Variants in LZTS1 observed in about 807,000 individuals in gnomAD.
The protein encoded by LZTS1 is leucine zipper putative tumor suppressor 1.
Under a neutral mutation model 45.8 loss-of-function variants are expected in LZTS1, and 31 were observed. The ratio of observed to expected loss-of-function variants is 0.68; its 90% CI spans 0.51 to 0.91. LZTS1 has a LOEUF of 0.91. Ranked by LOEUF, LZTS1 falls within the 40% of genes least tolerant of loss-of-function variation. The pLI is 0.00. For missense variants in LZTS1, 821 were observed against 788.9 expected (o/e 1.04, Z -0.49); for synonymous variants, 359 against 357.3 (o/e 1.00, Z -0.05).
chr8:20,250,810 G>A (rs766751825), intron 3 of LZTS1, among the ~76,000 whole-genome samples: 2 of 151,886 alleles, frequency 1.3e-5, no homozygotes, highest in Non-Finnish European at 2.9e-5. Context: ...TGTTGGCCAG[G>A]CTGATCTCGA....
rs1799821876 is a variant in LZTS1, at chr8:20,249,453, C to G, written c.*269G>C. ...GAACAAAGGCCAAAGTTTAGGGAGC[C>G]CTTAACCAAAGCAGACAGACCCCTG... On this transcript the variant is annotated 3_prime_UTR_variant, in exon 4 of 4. Coordinates refer to ENST00000381569, the MANE Select transcript of LZTS1 (RefSeq NM_021020.5). The G allele has an allele frequency of 6.7e-6, 3 of 448,532 alleles. No individual in the cohort carries two copies. The East Asian group carries it at 1.1e-4, about 16-fold the overall frequency. The allele number at this position is 448,532 out of a possible 1,614,324, so 27.8% of individuals were successfully genotyped here.
chr8:20,278,265 A>G (rs1270131472), intron 1 of LZTS1, among the ~76,000 whole-genome samples: 1 of 152,112 alleles, frequency 6.6e-6, no homozygotes, highest in Non-Finnish European at 1.5e-5. Context: ...TAACTGGTAT[A>G]TTACCTTCCT....
intron 1 of LZTS1, among the ~76,000 whole-genome samples, chr8:20,257,660 C>A (rs1800137164): frequency 6.8e-6 from 1 of 147,210 alleles, no homozygotes; most frequent in African/African-American, 2.5e-5. Flanking sequence ...TTCTAAGACA[C>A]CCTTAAACTT....
intron 1 of LZTS1, among the ~76,000 whole-genome samples, chr8:20,259,080 C>T (rs1223512834): frequency 2.6e-5 from 4 of 152,128 alleles, no homozygotes; most frequent in Admixed American, 6.5e-5. Flanking sequence ...CCGTGCTCTG[C>T]GCAATATGCT....
At chr8:20,264,925 C>T (rs1363173929) in intron 1 of LZTS1, among the ~76,000 whole-genome samples, 2 of 152,006 alleles carry the variant, frequency 1.3e-5, no homozygotes, top group African/African-American at 2.4e-5. Flanking sequence ...TACCAGGGCA[C>T]GTGTGGAAAG....
At chr8:20,259,715 T>C (rs966681580) in intron 1 of LZTS1, among the ~76,000 whole-genome samples, 1 of 152,128 alleles carries the variant, frequency 6.6e-6, no homozygotes, top group Non-Finnish European at 1.5e-5. Flanking sequence ...ATTCTCCTCC[T>C]TGGGCTCTTC....
chr8:20,267,493 T>C (rs1420813911), intron 1 of LZTS1, among the ~76,000 whole-genome samples: 1 of 152,182 alleles, frequency 6.6e-6, no homozygotes, highest in Non-Finnish European at 1.5e-5. Context: ...TCAGTCATCA[T>C]TCATCAGAAC....
At chr8:20,280,373 GTCT>G (rs1162978443) in intron 1 of LZTS1, among the ~76,000 whole-genome samples, 2 of 152,192 alleles carry the variant, frequency 1.3e-5, no homozygotes, top group African/African-American at 4.8e-5. Context: ...CCTGCTGGCA[GTCT>G]TCTTCAGAGT....
chr8:20,284,281 G>C (rs552506605), intron 1 of LZTS1, among the ~76,000 whole-genome samples: 1 of 152,182 alleles, frequency 6.6e-6, no homozygotes, highest in East Asian at 1.9e-4. Flanking sequence ...AAGAAGCACC[G>C]GCCATGCCAG....
chr8:20,261,557 C>G (rs950508992), intron 1 of LZTS1, among the ~76,000 whole-genome samples: 2 of 152,242 alleles, frequency 1.3e-5, no homozygotes, highest in Non-Finnish European at 2.9e-5. Flanking sequence ...CAGCCCCCTT[C>G]TGCATTCTCC....
intron 1 of LZTS1, among the ~76,000 whole-genome samples, chr8:20,300,095 G>A (rs76689097): frequency 0.059 from 9,029 of 152,122 alleles, 626 homozygotes; most frequent in African/African-American, 0.15. Context: ...TCGGACTCCC[G>A]AACTGTTGGT....
At chr8:20,283,845 G>C (rs1179066709) in intron 1 of LZTS1, among the ~76,000 whole-genome samples, 1 of 152,140 alleles carries the variant, frequency 6.6e-6, no homozygotes, top group Non-Finnish European at 1.5e-5. Flanking sequence ...TGCACATCTG[G>C]CCTAATGTGC....
chr8:20,283,551 C>T (rs570861001), intron 1 of LZTS1, among the ~76,000 whole-genome samples: 4 of 152,188 alleles, frequency 2.6e-5, no homozygotes, highest in East Asian at 1.9e-4. Context: ...TCTGGAAACC[C>T]GGAGAGGGAT....
chr8:20,283,103 T>C (rs1800726090), intron 1 of LZTS1, among the ~76,000 whole-genome samples: 1 of 152,166 alleles, frequency 6.6e-6, no homozygotes, highest in African/African-American at 2.4e-5. Flanking sequence ...ATCTCCCCAG[T>C]GGCTTCACTG....
intron 1 of LZTS1, among the ~76,000 whole-genome samples, chr8:20,257,975 A>AT (rs11402448): frequency 0.79 from 118,693 of 150,510 alleles, 46,911 homozygotes; most frequent in East Asian, 0.93. Flanking sequence ...GACTGGGCAC[A>AT]TTTTTTTTTT....
Position 20,249,641 on chromosome 8 carries a change from GA to G in LZTS1, c.*80del. 9 of 1,511,644 alleles carry G rather than the reference GA, an allele frequency of 6.0e-6. No individual in the cohort carries two copies. The highest frequency in any genetic ancestry group is 8.0e-6 in the Non-Finnish European group (9 of 1,128,600). The allele number at this position is 1,511,644 out of a possible 1,614,324, so 93.6% of individuals were successfully genotyped here. Reference sequence around the variant, plus strand: ...GGAGTGGCGTCTCTCAGAGGGGTCTGAATTGCTGAGCAGGGGGGATGCACGG... The same window carrying G: ...GGAGTGGCGTCTCTCAGAGGGGTCTGATTGCTGAGCAGGGGGGATGCACGG... On this transcript the variant is annotated 3_prime_UTR_variant, in exon 4 of 4. Coordinates refer to ENST00000381569, the MANE Select transcript of LZTS1 (RefSeq NM_021020.5).
chr8:20,274,386 C>T (rs1044421474), intron 1 of LZTS1, among the ~76,000 whole-genome samples: 3 of 152,120 alleles, frequency 2.0e-5, no homozygotes, highest in African/African-American at 7.2e-5. Context: ...ACTTTTCATC[C>T]CTTCTCCTCA....
chr8:20,284,415 A>G (rs1371356351), intron 1 of LZTS1, among the ~76,000 whole-genome samples: 16 of 152,198 alleles, frequency 1.1e-4, no homozygotes, highest in African/African-American at 3.4e-4. Flanking sequence ...TCAGTGTGGA[A>G]TAAGAGCTGG....
chr8:20,276,401 A>G (rs1018026137), intron 1 of LZTS1, among the ~76,000 whole-genome samples: 3 of 152,172 alleles, frequency 2.0e-5, no homozygotes, highest in Non-Finnish European at 2.9e-5. Flanking sequence ...CCAATGGCCA[A>G]TGGCTTAATC....
Sources: allele counts gnomAD v4.1 joint callset (sites outside exome capture counted in the v4.1 genomes callset), GRCh38; gene constraint gnomAD v4.1.1; transcripts MANE v1.5; gene names NCBI Gene and HGNC (gene_info 2026-07-23, HGNC 2026-07-21).